Variants in MLLT10 observed in about 807,000 individuals in gnomAD.
MLLT10 encodes protein AF-10.
A neutral mutation model predicts 129.1 loss-of-function variants in MLLT10; 30 were observed. The ratio of observed to expected loss-of-function variants is 0.23; its 90% confidence interval spans 0.17 to 0.32. The LOEUF (loss-of-function observed/expected upper bound fraction) is 0.32. Among genes scored for constraint, MLLT10 ranks in the 10% least tolerant of loss-of-function variants. MLLT10 has a pLI of 1.00. For synonymous variants in MLLT10, 490 were observed against 446.4 expected, an observed-to-expected ratio of 1.10 and a Z score of -1.23; for missense variants, 1,119 against 1,268.3, an observed-to-expected ratio of 0.88 and a Z score of 1.79.
rs147427430 is a variant in MLLT10, at chr10:21,701,920, C to T, written c.1700-11852C>T. Among the ~76,000 whole-genome samples the T allele has an allele frequency of 5.3e-3, 786 of 148,882 alleles. 5 individuals carry two copies. The highest frequency in any genetic ancestry group is 9.2e-3 in the Admixed American group (137 of 14,892). On this transcript the variant is annotated intron_variant, in intron 13 of 22. Transcript: ENST00000307729. The stretch of plus-strand genomic sequence containing the variant: ...TTTCTCTTCTCTTCTCTTCTCGTCT[C>T]GTCTCGTCTCGTCTCTCTTTTTTTT...
intron 8 of MLLT10, among the ~76,000 whole-genome samples, chr10:21,631,202 T>C (rs1021626872): frequency 1.3e-5 from 2 of 150,566 alleles, no homozygotes; most frequent in Non-Finnish European, 2.9e-5. Flanking sequence ...TAGTCCCAGC[T>C]ACTCGGAAGG....
At chr10:21,648,401 T>C (rs150339261) in intron 8 of MLLT10, among the ~76,000 whole-genome samples, 46 of 152,346 alleles carry the variant, frequency 3.0e-4, no homozygotes, top group Admixed American at 5.9e-4. Flanking sequence ...TTCACACATG[T>C]ACATGTGTAT....
chr10:21,662,473 T>C (rs2050310511), intron 9 of MLLT10, among the ~76,000 whole-genome samples: 1 of 152,160 alleles, frequency 6.6e-6, no homozygotes, highest in South Asian at 2.1e-4. Flanking sequence ...CTTAAGAGAT[T>C]TTTTTCTTGA....
At chr10:21,558,041 C>T (rs2038290562) in intron 3 of MLLT10, among the ~76,000 whole-genome samples, 1 of 149,982 alleles carries the variant, frequency 6.7e-6, no homozygotes, top group Non-Finnish European at 1.5e-5. Context: ...CCCCTGCCTC[C>T]CGGGTTCAAG....
At chr10:21,630,663 A>G (rs2046911623) in intron 8 of MLLT10, among the ~76,000 whole-genome samples, 1 of 152,230 alleles carries the variant, frequency 6.6e-6, no homozygotes, top group Non-Finnish European at 1.5e-5. Context: ...GCAAATGCTA[A>G]CAGTCTGGCT....
intron 8 of MLLT10, among the ~76,000 whole-genome samples, chr10:21,618,879 C>G (rs2045529928): frequency 6.6e-6 from 1 of 152,036 alleles, no homozygotes; most frequent in South Asian, 2.1e-4. Context: ...ATTACAGGCA[C>G]ATGCCACCAT....
intron 8 of MLLT10, among the ~76,000 whole-genome samples, chr10:21,630,703 C>T (rs191698227): frequency 6.6e-6 from 1 of 152,318 alleles, no homozygotes; most frequent in East Asian, 1.9e-4. Flanking sequence ...TTAAAGTCCT[C>T]TGTGTCCAAT....
At chr10:21,617,985 G>A (rs978841500) in intron 8 of MLLT10, among the ~76,000 whole-genome samples, 20 of 152,156 alleles carry the variant, frequency 1.3e-4, no homozygotes, top group Non-Finnish European at 8.8e-5. Context: ...GTGCACACCA[G>A]CTTGGGAGAC....
chr10:21,720,503 GTTCA>G (rs1304617179), intron 14 of MLLT10, among the ~76,000 whole-genome samples: 2 of 152,138 alleles, frequency 1.3e-5, no homozygotes, highest in Non-Finnish European at 2.9e-5. Context: ...CATGTCTAAT[GTTCA>G]TTCATGTTTT....
At chr10:21,625,608 C>G (rs549807508) in intron 8 of MLLT10, 3 of 756,968 alleles carry the variant, frequency 4.0e-6, no homozygotes, top group East Asian at 4.9e-5. Context: ...TCAGGTTGAT[C>G]ATAGAGAATG....
chr10:21,682,343 T>A, intron 13 of MLLT10, 86 bp downstream of exon 13: 1 of 1,289,820 alleles, frequency 7.8e-7, no homozygotes, highest in Non-Finnish European at 1.1e-6. Context: ...GCTAGCATGT[T>A]CTATTGATTA....
intron 3 of MLLT10, among the ~76,000 whole-genome samples, chr10:21,578,493 ATT>A (rs2041028915): frequency 1.3e-5 from 2 of 151,828 alleles, no homozygotes; most frequent in African/African-American, 4.8e-5. Context: ...TTTTTCTTTT[ATT>A]GCCTCTGCTT....
intron 11 of MLLT10, among the ~76,000 whole-genome samples, chr10:21,679,549 G>A (rs1044363553): frequency 2.0e-5 from 3 of 152,114 alleles, no homozygotes; most frequent in African/African-American, 7.2e-5. Context: ...TGATGACCTT[G>A]AGCAGTAGGA....
intron 3 of MLLT10, among the ~76,000 whole-genome samples, chr10:21,579,908 C>G (rs1316980081): frequency 2.6e-5 from 4 of 151,958 alleles, no homozygotes; most frequent in Middle Eastern, 3.2e-3. Context: ...TTCACTGACT[C>G]TTTTGTCATC....
At chr10:21,729,804 T>C (rs1416681893) in intron 16 of MLLT10, among the ~76,000 whole-genome samples, 1 of 152,218 alleles carries the variant, frequency 6.6e-6, no homozygotes, top group Non-Finnish European at 1.5e-5. Flanking sequence ...AAATGTATTA[T>C]GTTAGAATGA....
chr10:21,720,242 A>G (rs1404011231), intron 14 of MLLT10, among the ~76,000 whole-genome samples: 1 of 152,196 alleles, frequency 6.6e-6, no homozygotes, highest in Non-Finnish European at 1.5e-5. Flanking sequence ...GCTCCTAACA[A>G]TTAGGGAGCA....
intron 21 of MLLT10, among the ~76,000 whole-genome samples, chr10:21,738,086 G>A (rs1347278973): frequency 6.6e-6 from 1 of 152,066 alleles, no homozygotes; most frequent in Non-Finnish European, 1.5e-5. Context: ...TGACCAACGT[G>A]GTGAAACCCC....
At position 21,625,280 on chromosome 10, in the gene MLLT10, C is replaced by T. The variant is rs1279722458; in HGVS notation, c.699+8073C>T. 8 of 952,768 alleles carry T rather than the reference C, an allele frequency of 8.4e-6. No homozygotes were observed. In the East Asian group the frequency reaches 2.0e-4, roughly 23 times the overall value. 59.0% of individuals were successfully genotyped at this position (952,768 alleles called of 1,614,324 possible). A position where few individuals can be genotyped will look rare whatever the true frequency, so the allele number is the denominator to read the frequency against. On this transcript the variant is annotated intron_variant, in intron 8 of 22. Coordinates refer to ENST00000307729, the MANE Select transcript of MLLT10 (RefSeq NM_001195626.3). ...AAGTTCTTCCCCTTCTGTTTCTTTG[C>T]CATTCATTTCATCCATAGCCATAAC...
intron 5 of MLLT10, among the ~76,000 whole-genome samples, chr10:21,597,958 TTTTTC>T (rs1462397504): frequency 6.6e-6 from 1 of 152,186 alleles, no homozygotes; most frequent in African/African-American, 2.4e-5. Context: ...AGGTTAATCT[TTTTTC>T]TTTTTATAGT....
Sources: gnomAD v4.1 joint callset for allele counts (sites outside exome capture counted in the v4.1 genomes callset) on GRCh38, gnomAD v4.1.1 for gene constraint, MANE v1.5 for transcripts, NCBI Gene and HGNC (gene_info 2026-07-23, HGNC 2026-07-21) for gene names.